Variants in TNFAIP8 observed in about 807,000 individuals in gnomAD.
TNFAIP8 encodes tumor necrosis factor alpha-induced protein 8.
A neutral mutation model predicts 13.3 loss-of-function variants in TNFAIP8; 7 were observed. The observed-to-expected ratio is 0.52, with a 90% CI of 0.30 to 0.99. The LOEUF (loss-of-function observed/expected upper bound fraction) is 0.99, where lower values mean the gene tolerates loss of function less well. TNFAIP8 is among the 50% of genes least tolerant of loss of function. The pLI is 0.07. For synonymous variants in TNFAIP8, 94 were observed against 87.6 expected (o/e 1.07, Z -0.41); for missense variants, 258 against 236.9 (o/e 1.09, Z -0.58).
intron 1 of TNFAIP8, among the ~76,000 whole-genome samples, chr5:119,294,128 G>T (rs976119966): frequency 6.6e-6 from 1 of 151,624 alleles, no homozygotes; most frequent in Non-Finnish European, 1.5e-5. Flanking sequence ...CATGTGCCAT[G>T]CTGGTGCGCT....
chr5:119,294,680 C>T (rs991023582), intron 1 of TNFAIP8, among the ~76,000 whole-genome samples: 4 of 151,988 alleles, frequency 2.6e-5, no homozygotes, highest in Non-Finnish European at 5.9e-5. Context: ...TCCACATCCT[C>T]TCCACATCCT....
chr5:119,385,564 G>C (rs1010653555), intron 1 of TNFAIP8, among the ~76,000 whole-genome samples: 1 of 152,080 alleles, frequency 6.6e-6, no homozygotes, highest in Non-Finnish European at 1.5e-5. Context: ...AGTCCTCGTA[G>C]TACTAAATCT....
upstream of TNFAIP8, among the ~76,000 whole-genome samples, chr5:119,352,249 G>T (rs1751194908): frequency 6.6e-6 from 1 of 152,200 alleles, no homozygotes; most frequent in South Asian, 2.1e-4. Flanking sequence ...AACCAGGTGA[G>T]ACCAAGACAC....
chr5:119,351,176 C>T (rs1386508727), upstream of TNFAIP8, among the ~76,000 whole-genome samples: 2 of 151,990 alleles, frequency 1.3e-5, no homozygotes, highest in Non-Finnish European at 2.9e-5. Flanking sequence ...GCATGCACCA[C>T]CATACTCGGT....
chr5:119,295,936 T>G (rs1259632425), intron 1 of TNFAIP8, among the ~76,000 whole-genome samples: 2 of 151,228 alleles, frequency 1.3e-5, no homozygotes, highest in Non-Finnish European at 1.5e-5. Flanking sequence ...CTGTCTGTTG[T>G]TGGTGTATAA....
intron 1 of TNFAIP8, among the ~76,000 whole-genome samples, chr5:119,380,548 T>C (rs1198326598): frequency 6.6e-6 from 1 of 152,268 alleles, no homozygotes; most frequent in East Asian, 1.9e-4. Flanking sequence ...GGAAAGGTTT[T>C]ATGTCTTCAA....
intron 1 of TNFAIP8, among the ~76,000 whole-genome samples, chr5:119,269,526 G>C (rs139974036): frequency 1.3e-5 from 2 of 152,124 alleles, no homozygotes; most frequent in Non-Finnish European, 2.9e-5. Context: ...CCTGATGAGC[G>C]CCCAGGCTCC....
intron 1 of TNFAIP8, among the ~76,000 whole-genome samples, chr5:119,309,300 CACTT>C (rs1340733882): frequency 2.6e-5 from 4 of 152,320 alleles, no homozygotes; most frequent in African/African-American, 2.4e-5. Context: ...CTTTGGAAGA[CACTT>C]ACCATACTTT....
At chr5:119,343,407 C>T (rs1410064092) in intron 1 of TNFAIP8, among the ~76,000 whole-genome samples, 1 of 152,158 alleles carries the variant, frequency 6.6e-6, no homozygotes, top group East Asian at 1.9e-4. Flanking sequence ...CTCGGTTCTG[C>T]AGATGCCATG....
chr5:119,321,559 G>A (rs1408309583), intron 1 of TNFAIP8, among the ~76,000 whole-genome samples: 2 of 152,058 alleles, frequency 1.3e-5, no homozygotes, highest in African/African-American at 4.8e-5. Context: ...TGCCTTTCGT[G>A]CATGCAGCTC....
chr5:119,347,066 T>G (rs1276199543), intron 1 of TNFAIP8, among the ~76,000 whole-genome samples: 1 of 152,262 alleles, frequency 6.6e-6, no homozygotes, highest in Non-Finnish European at 1.5e-5. Flanking sequence ...TTCCTTAGCA[T>G]TGAAACAGGT....
chr5:119,388,697 G>A (rs1287959188), intron 1 of TNFAIP8, among the ~76,000 whole-genome samples: 1 of 151,882 alleles, frequency 6.6e-6, no homozygotes, highest in African/African-American at 2.4e-5. Context: ...GGAGTACAGT[G>A]GCATGATTAT....
At chr5:119,305,997 G>C (rs1749540444) in intron 1 of TNFAIP8, among the ~76,000 whole-genome samples, 1 of 152,164 alleles carries the variant, frequency 6.6e-6, no homozygotes, top group Non-Finnish European at 1.5e-5. Flanking sequence ...GTAATGGACT[G>C]CCTGCGCCGC....
At chr5:119,331,073 G>C (rs937281225) in intron 1 of TNFAIP8, among the ~76,000 whole-genome samples, 1 of 152,112 alleles carries the variant, frequency 6.6e-6, no homozygotes, top group African/African-American at 2.4e-5. Context: ...GGAAGTCCTG[G>C]CTGCCTCCAC....
At chr5:119,271,348 C>T (rs1318027021) in intron 1 of TNFAIP8, among the ~76,000 whole-genome samples, 1 of 152,186 alleles carries the variant, frequency 6.6e-6, no homozygotes, top group Non-Finnish European at 1.5e-5. Flanking sequence ...CAGTGCCAGG[C>T]ACTGCAGAGG....
At chr5:119,299,739 C>G (rs559366271) in intron 1 of TNFAIP8, among the ~76,000 whole-genome samples, 1 of 152,232 alleles carries the variant, frequency 6.6e-6, no homozygotes, top group Non-Finnish European at 1.5e-5. Context: ...AGGCAGGCCT[C>G]CTTGAGCTGT....
chr5:119,293,802 A>T (rs543637205), intron 1 of TNFAIP8, among the ~76,000 whole-genome samples: 13 of 152,322 alleles, frequency 8.5e-5, no homozygotes, highest in Non-Finnish European at 1.5e-4. Context: ...TGGGTTACAG[A>T]TGAGAGTTTA....
At chr5:119,299,345 G>T (rs563293368) in intron 1 of TNFAIP8, among the ~76,000 whole-genome samples, 8 of 152,310 alleles carry the variant, frequency 5.3e-5, no homozygotes, top group Admixed American at 5.2e-4. Context: ...CTCAGCTGCA[G>T]GTCTGTTGGA....
Position 119,399,621 on chromosome 5 carries a change from A to G in TNFAIP8, c.*6240A>G, listed in dbSNP as rs141376662. The G allele has an allele frequency of 2.9e-3, 437 of 152,332 alleles. 2 individuals carry two copies. Among genetic ancestry groups the G allele is most frequent in the African/African-American group, 0.01 (417 of 41,576 alleles). The allele number at this position is 152,332 out of a possible 1,614,324, so 9.4% of individuals were successfully genotyped here. ...AATTGTTTTGGGTTGCATTGTTGAA[A>G]GTAATGATTTCTAGCAGCTACTTAT... On this transcript the variant is annotated 3_prime_UTR_variant, in exon 2 of 2. Coordinates refer to ENST00000504771, the MANE Select transcript of TNFAIP8 (RefSeq NM_014350.4).
Sources: gnomAD v4.1 joint callset for allele counts (sites outside exome capture counted in the v4.1 genomes callset) on GRCh38, gnomAD v4.1.1 for gene constraint, MANE v1.5 for transcripts, NCBI Gene and HGNC (gene_info 2026-07-23, HGNC 2026-07-21) for gene names.